Variants in EEA1 observed in about 807,000 individuals in gnomAD.
The protein encoded by EEA1 is early endosome antigen 1, 162kD.
A neutral mutation model predicts 209.2 loss-of-function variants in EEA1; 111 were observed. The ratio of observed to expected loss-of-function variants is 0.53; its 90% CI spans 0.45 to 0.62. EEA1 has a LOEUF of 0.62. Ranked by LOEUF, EEA1 falls within the 20% of genes least tolerant of loss-of-function variation. EEA1 has a pLI of 0.00. For synonymous variants in EEA1, 536 were observed against 540.6 expected (o/e 0.99, Z 0.12); for missense variants, 1,343 against 1,530.8 (o/e 0.88, Z 2.05).
intron 1 of EEA1, among the ~76,000 whole-genome samples, 154 bp downstream of exon 1, chr12:92,928,889 G>C (rs1468070084): frequency 6.8e-6 from 1 of 147,590 alleles, no homozygotes; most frequent in African/African-American, 2.5e-5. Context: ...CGCCCTCCCC[G>C]CCCCCGGGCC....
At chr12:92,878,941 C>A (rs1415517201) in intron 2 of EEA1, among the ~76,000 whole-genome samples, 1 of 152,136 alleles carries the variant, frequency 6.6e-6, no homozygotes, top group Non-Finnish European at 1.5e-5. Flanking sequence ...CAATACACTT[C>A]CCAAAAAGAA....
At chr12:92,842,303 A>C (rs1003287379) in intron 10 of EEA1, among the ~76,000 whole-genome samples, 162 bp downstream of exon 10, 5 of 152,086 alleles carry the variant, frequency 3.3e-5, no homozygotes, top group African/African-American at 1.2e-4. Context: ...CAATGAAAAA[A>C]GTTCTAGAGA....
At chr12:92,911,524 C>T (rs557770055) in intron 1 of EEA1, among the ~76,000 whole-genome samples, 9 of 152,204 alleles carry the variant, frequency 5.9e-5, no homozygotes, top group South Asian at 4.2e-4. Context: ...TGGATTTGTA[C>T]AGAAGTGAAA....
At chr12:92,800,034 G>T (rs1874836324) in intron 20 of EEA1, among the ~76,000 whole-genome samples, 1 of 151,888 alleles carries the variant, frequency 6.6e-6, no homozygotes, top group Admixed American at 6.6e-5. Flanking sequence ...ACCAGCCTGG[G>T]CAACATGGTG....
chr12:92,923,274 G>A (rs964806357), intron 1 of EEA1, among the ~76,000 whole-genome samples: 1 of 152,168 alleles, frequency 6.6e-6, no homozygotes, highest in African/African-American at 2.4e-5. Context: ...CGTGAACCCG[G>A]GAGGCGGAGC....
Position 92,811,274 on chromosome 12 carries a change from C to A in EEA1, c.2199+5G>T. 1 of 1,523,254 alleles carries A rather than the reference C, an allele frequency of 6.6e-7. No homozygotes were observed. The highest frequency in any genetic ancestry group is 8.8e-7 in the Non-Finnish European group (1 of 1,137,582). 94.4% of individuals were successfully genotyped at this position (1,523,254 alleles called of 1,614,324 possible). On this transcript the variant is annotated splice_donor_5th_base_variant and intron_variant, in intron 17 of 28. Transcript: ENST00000322349. ...ATGACTAAATTCAACTTCTTTTATA[C>A]AAACCTTAATTTGACCTTCTAGCTC...
intron 1 of EEA1, among the ~76,000 whole-genome samples, chr12:92,921,886 A>G (rs34262278): frequency 7.3e-6 from 1 of 136,424 alleles, no homozygotes; most frequent in African/African-American, 2.8e-5. Flanking sequence ...AAAAAAAAAA[A>G]GAAAAAAAGA....
rs989029497 is a variant in EEA1 at position 92,772,693 on chromosome 12, C to A, written c.*3318G>T. 3 of 152,220 alleles carry A rather than the reference C, an allele frequency of 2.0e-5. No homozygotes were observed. Among genetic ancestry groups the A allele is most frequent in the Admixed American group, 6.6e-5 (1 of 15,198 alleles). The allele number at this position is 152,220 out of a possible 1,614,324, so 9.4% of individuals were successfully genotyped here. ...GAAATTGCAGTATTTACTGAGCTAA[C>A]CTTTCTCACAAAGTAAGGCACAACT... On this transcript the variant is annotated 3_prime_UTR_variant, in exon 29 of 29. Coordinates refer to ENST00000322349, the MANE Select transcript of EEA1 (RefSeq NM_003566.4).
At chr12:92,779,326 A>G in intron 24 of EEA1, 26 bp from the exon 25 acceptor site, 1 of 1,562,936 alleles carries the variant, frequency 6.4e-7, no homozygotes, top group African/African-American at 1.4e-5. Context: ...GGCCAAAAAT[A>G]AATCATCCTT....
rs202241187 is a variant in EEA1 at position 92,864,964 on chromosome 12, C to G, written c.141G>C (p.Met47Ile). ...SSEGFICPQC[M>I]KSLGSADELF... ...GTTCATCAGCAGATCCAAGAGATTT[C>G]ATACACTGGGGACATATGAAACCCT... The change falls in exon 3 of 29, where the codon ATG (methionine) becomes ATC (isoleucine). Residue 47 changes from methionine to isoleucine, a missense_variant. This residue lies in a region of EEA1 where 1,307 missense variants were observed against 1,465.5 expected (regional missense o/e 0.89). Coordinates refer to ENST00000322349, the MANE Select transcript of EEA1 (RefSeq NM_003566.4). The G allele has an allele frequency of 6.2e-7, 1 of 1,609,286 alleles. No individual in the cohort carries two copies. The highest frequency in any genetic ancestry group is 1.7e-5 in the Admixed American group (1 of 59,392).
At chr12:92,884,870 G>A (rs1879312531) in intron 2 of EEA1, among the ~76,000 whole-genome samples, 1 of 151,992 alleles carries the variant, frequency 6.6e-6, no homozygotes, top group Admixed American at 6.6e-5. Flanking sequence ...AAAACTCGAG[G>A]ACTGTATTTG....
intron 2 of EEA1, among the ~76,000 whole-genome samples, chr12:92,877,078 G>A (rs1410480654): frequency 6.0e-5 from 9 of 150,772 alleles, no homozygotes; most frequent in Admixed American, 5.9e-4. Context: ...CGAGTAGCTG[G>A]GATTACAGGC....
chr12:92,773,200 T>G lies in EEA1; in HGVS notation c.*2811A>C, dbSNP rs998756902. On this transcript the variant is annotated 3_prime_UTR_variant, in exon 29 of 29. Coordinates refer to ENST00000322349, the MANE Select transcript of EEA1 (RefSeq NM_003566.4). ...AGGTCATGAATATCAAAATATATGA[T>G]CATAATTTGCTCTCTACTTAAAAGC... The G allele has an allele frequency of 6.6e-6, 1 of 152,134 alleles. No homozygotes were observed. The highest frequency in any genetic ancestry group is 1.5e-5 in the Non-Finnish European group (1 of 67,686). The allele number at this position is 152,134 out of a possible 1,614,324, so 9.4% of individuals were successfully genotyped here.
chr12:92,883,866 G>A (rs1879271166), intron 2 of EEA1: 1 of 1,600,204 alleles, frequency 6.2e-7, no homozygotes, highest in Admixed American at 1.7e-5. Flanking sequence ...AGAGCCTGAG[G>A]AGCCATTTTG....
intron 2 of EEA1, among the ~76,000 whole-genome samples, chr12:92,881,863 C>T (rs760825181): frequency 4.6e-5 from 7 of 152,140 alleles, no homozygotes; most frequent in African/African-American, 7.2e-5. Context: ...AGCTGACCCT[C>T]GAACACCGCA....
intron 18 of EEA1, among the ~76,000 whole-genome samples, chr12:92,804,942 T>C (rs1445407371): frequency 7.9e-5 from 12 of 152,196 alleles, no homozygotes; most frequent in Admixed American, 7.9e-4. Flanking sequence ...GAAATGTATG[T>C]ACAAAGTACA....
chr12:92,857,536 A>C, intron 3 of EEA1, 51 bp from the exon 4 acceptor site: 3 of 1,222,232 alleles, frequency 2.5e-6, no homozygotes, highest in Non-Finnish European at 3.4e-6. Context: ...TTTAATTAAC[A>C]AACTGGTCTT....
At chr12:92,838,160 A>G (rs1877010410) in intron 10 of EEA1, among the ~76,000 whole-genome samples, 1 of 152,206 alleles carries the variant, frequency 6.6e-6, no homozygotes, top group Non-Finnish European at 1.5e-5. Flanking sequence ...ACAATAAAAT[A>G]ATCTTGATTC....
intron 11 of EEA1, 132 bp downstream of exon 11, chr12:92,832,380 A>G: frequency 1.1e-6 from 1 of 872,770 alleles, no homozygotes; most frequent in Non-Finnish European, 1.7e-6. Flanking sequence ...TACAGGATAT[A>G]AAAGTTAAGA....
Sources: allele counts gnomAD v4.1 joint callset (sites outside exome capture counted in the v4.1 genomes callset), GRCh38; gene constraint gnomAD v4.1.1; regional missense constraint gnomAD v4.1.1; transcripts MANE v1.5; gene names NCBI Gene and HGNC (gene_info 2026-07-23, HGNC 2026-07-21).